Variants in MAPK8 observed in about 807,000 individuals in gnomAD.
The protein encoded by MAPK8 is JUN N-terminal kinase.
In MAPK8, 13 loss-of-function variants were observed where a neutral mutation model predicts 52.9. The ratio of observed to expected loss-of-function variants is 0.25; its 90% CI spans 0.16 to 0.39. MAPK8 has a LOEUF of 0.39. Ranked by LOEUF, MAPK8 falls within the 10% of genes least tolerant of loss-of-function variation. The pLI is 1.00. For missense variants in MAPK8, 300 were observed against 519.2 expected, an observed-to-expected ratio of 0.58 and a Z score of 4.10; for synonymous variants, 191 against 169.8, an observed-to-expected ratio of 1.12 and a Z score of -0.97.
At chr10:48,418,160 T>A (rs1194674955) in intron 5 of MAPK8, among the ~76,000 whole-genome samples, 1 of 152,176 alleles carries the variant, frequency 6.6e-6, no homozygotes, top group African/African-American at 2.4e-5. Context: ...TCAGGTTCAT[T>A]GTACAAGTGG....
intron 1 of MAPK8, among the ~76,000 whole-genome samples, chr10:48,361,105 A>T (rs1474486269): frequency 6.6e-6 from 1 of 152,180 alleles, no homozygotes; most frequent in African/African-American, 2.4e-5. Flanking sequence ...CTGATTGATT[A>T]ATATTATGGA....
intron 1 of MAPK8, among the ~76,000 whole-genome samples, chr10:48,383,675 C>T (rs2698761): frequency 0.54 from 81,572 of 151,788 alleles, 22,129 homozygotes; most frequent in Middle Eastern, 0.74. Context: ...CAGTGCCATT[C>T]ATTAGTCCTG....
intron 5 of MAPK8, chr10:48,410,478 G>C (rs1423797065): frequency 4.1e-6 from 1 of 242,268 alleles, no homozygotes; most frequent in African/African-American, 2.2e-5. Context: ...TGTATCAATA[G>C]TTCATTCCTT....
intron 1 of MAPK8, among the ~76,000 whole-genome samples, chr10:48,378,095 C>T (rs1281407147): frequency 6.6e-6 from 1 of 152,158 alleles, no homozygotes; most frequent in African/African-American, 2.4e-5. Context: ...TCCCCCCTCC[C>T]TCCGCAACCT....
At position 48,435,166 on chromosome 10, in the gene MAPK8, TA is replaced by T. The variant is rs1254957244; in HGVS notation, c.*138del. 12 of 625,946 alleles carry T rather than the reference TA, an allele frequency of 1.9e-5. No individual in the cohort carries two copies. In the Admixed American group the frequency reaches 3.6e-4, roughly 19 times the overall value. The allele number at this position is 625,946 out of a possible 1,614,324, so 38.8% of individuals were successfully genotyped here. On this transcript the variant is annotated 3_prime_UTR_variant, in exon 12 of 12. Coordinates refer to ENST00000374189, the MANE Select transcript of MAPK8 (RefSeq NM_001323329.2). ...GAATTCATTTTGTAGTAAAGTAGTT[TA>T]TTTTTTTTAATTTCAAGTGATGTAA... is the stretch of plus-strand genomic sequence containing the variant.
intron 10 of MAPK8, chr10:48,429,861 T>C (rs2044041359): frequency 6.6e-6 from 1 of 152,240 alleles, no homozygotes; most frequent in Admixed American, 6.5e-5. Context: ...CTTCAGGAAT[T>C]AACACAGACT....
At position 48,425,308 on chromosome 10, in the gene MAPK8, A is replaced by G. The variant is rs759279709; in HGVS notation, c.689-580A>G. ...AAATCCTAACCTTACAACTTAGCAA[A>G]AAACTGAATCTTTTTTATAAGGGTC... is the stretch of plus-strand genomic sequence containing the variant. On this transcript the variant is annotated intron_variant, in intron 7 of 11. Coordinates refer to ENST00000374189, the MANE Select transcript of MAPK8 (RefSeq NM_001323329.2). The G allele has an allele frequency of 9.2e-4, 534 of 580,306 alleles. 9 individuals are homozygous for G. The highest frequency in any genetic ancestry group is 7.8e-4 in the South Asian group (32 of 41,004). The allele number at this position is 580,306 out of a possible 1,614,324, so 35.9% of individuals were successfully genotyped here.
chr10:48,334,255 C>T (rs1019101556), intron 1 of MAPK8, among the ~76,000 whole-genome samples: 1 of 152,194 alleles, frequency 6.6e-6, no homozygotes, highest in African/African-American at 2.4e-5. Flanking sequence ...CCTAGAATTT[C>T]TGTTTCTCAT....
chr10:48,383,809 A>G (rs2041154358), intron 1 of MAPK8, among the ~76,000 whole-genome samples: 2 of 152,178 alleles, frequency 1.3e-5, no homozygotes, highest in African/African-American at 2.4e-5. Context: ...CTTTTAGACT[A>G]TTAATTTTCC....
At chr10:48,420,070 T>C in intron 5 of MAPK8, 85 bp from the exon 6 acceptor site, 1 of 975,382 alleles carries the variant, frequency 1.0e-6, no homozygotes, top group Non-Finnish European at 1.5e-6. Context: ...ATGAATGTTT[T>C]GCAAGGGATA....
intron 1 of MAPK8, among the ~76,000 whole-genome samples, chr10:48,315,702 C>T (rs4838405): frequency 0.81 from 120,989 of 149,412 alleles, 49,126 homozygotes; most frequent in Middle Eastern, 0.9. Context: ...GTTAATATTT[C>T]ATATATTAAA....
chr10:48,357,112 G>A (rs1010728852), intron 1 of MAPK8, among the ~76,000 whole-genome samples: 1 of 152,032 alleles, frequency 6.6e-6, no homozygotes, highest in Non-Finnish European at 1.5e-5. Flanking sequence ...ATACCAGGAG[G>A]AAAAAGACAT....
intron 1 of MAPK8, among the ~76,000 whole-genome samples, chr10:48,367,400 AATAC>A (rs1218108320): frequency 2.0e-5 from 3 of 148,540 alleles, no homozygotes; most frequent in Non-Finnish European, 3.0e-5. Context: ...TAAATAAATA[AATAC>A]ATATATATGT....
At chr10:48,337,355 T>G (rs1051724760) in intron 1 of MAPK8, among the ~76,000 whole-genome samples, 3 of 151,732 alleles carry the variant, frequency 2.0e-5, no homozygotes, top group African/African-American at 7.3e-5. Context: ...AGTTTGCTCC[T>G]GAATGACGTT....
chr10:48,425,181 G>C (rs756256759), intron 7 of MAPK8: 1 of 767,152 alleles, frequency 1.3e-6, no homozygotes, highest in Non-Finnish European at 2.4e-6. Flanking sequence ...TGTTTCAGGA[G>C]GAAGAATGGG....
chr10:48,316,517 C>T lies in MAPK8; in HGVS notation c.-50+9696C>T, dbSNP rs528117316. Among the ~76,000 whole-genome samples, 250 of 152,138 alleles carry T rather than the reference C, an allele frequency of 1.6e-3. 1 individual carries two copies. Among genetic ancestry groups the T allele is most frequent in the African/African-American group, 5.3e-3 (220 of 41,492 alleles). ...GTGCTTAGCACCCAGAGGCAGCTCC[C>T]GGAAATATAATTTAGTCTGGTGTCA... On this transcript the variant is annotated intron_variant, in intron 1 of 11. Transcript: ENST00000374189.
intron 1 of MAPK8, among the ~76,000 whole-genome samples, chr10:48,397,870 A>G (rs1198494573): frequency 6.6e-6 from 1 of 152,140 alleles, no homozygotes; most frequent in Non-Finnish European, 1.5e-5. Flanking sequence ...GGATTACAGG[A>G]GTGAGCCACT....
intron 3 of MAPK8, among the ~76,000 whole-genome samples, chr10:48,405,768 A>G: frequency 6.6e-6 from 1 of 152,240 alleles, no homozygotes; most frequent in East Asian, 1.9e-4. Context: ...TGTTTGTCCA[A>G]AAGAGTTTAT....
chr10:48,346,816 T>A (rs1845830700), intron 1 of MAPK8, among the ~76,000 whole-genome samples: 1 of 152,116 alleles, frequency 6.6e-6, no homozygotes, highest in South Asian at 2.1e-4. Flanking sequence ...AAGCTGTCTT[T>A]CTCTGTCTCC....
Sources: gnomAD v4.1 joint callset for allele counts (sites outside exome capture counted in the v4.1 genomes callset) on GRCh38, gnomAD v4.1.1 for gene constraint, MANE v1.5 for transcripts, NCBI Gene and HGNC (gene_info 2026-07-23, HGNC 2026-07-21) for gene names.